Variants in CNTN1 observed in about 807,000 individuals in gnomAD.
CNTN1 encodes the protein contactin-1.
Under a neutral mutation model 126.4 loss-of-function variants are expected in CNTN1, and 38 were observed. That is an observed-to-expected ratio of 0.30 (90% CI 0.23 to 0.39). The LOEUF (loss-of-function observed/expected upper bound fraction) is 0.39, where lower values mean the gene tolerates loss of function less well. Among genes scored for constraint, CNTN1 ranks in the 10% least tolerant of loss-of-function variants. CNTN1 has a pLI of 1.00. For synonymous variants in CNTN1, 413 were observed against 422.6 expected, an observed-to-expected ratio of 0.98 and a Z score of 0.28; for missense variants, 1,009 against 1,248.4, an observed-to-expected ratio of 0.81 and a Z score of 2.89.
intron 17 of CNTN1, among the ~76,000 whole-genome samples, chr12:40,997,318 C>T (rs1206080290): frequency 6.6e-6 from 1 of 152,086 alleles, no homozygotes; most frequent in Non-Finnish European, 1.5e-5. Context: ...CTTTATTAGC[C>T]AGATCAAGCC....
intron 15 of CNTN1, among the ~76,000 whole-genome samples, chr12:40,961,885 T>C (rs1019669052): frequency 4.6e-5 from 7 of 152,024 alleles, no homozygotes; most frequent in African/African-American, 1.7e-4. Context: ...TACATGTTTG[T>C]AAAAAATATT....
At chr12:41,031,246 A>C (rs115947707) in intron 23 of CNTN1, among the ~76,000 whole-genome samples, 7 of 152,330 alleles carry the variant, frequency 4.6e-5, no homozygotes, top group Non-Finnish European at 2.9e-5. Context: ...AGCCCTGTTT[A>C]TAATGTTTGC....
intron 1 of CNTN1, among the ~76,000 whole-genome samples, chr12:40,767,673 G>A (rs1170036187): frequency 1.3e-5 from 2 of 151,022 alleles, no homozygotes; most frequent in Admixed American, 1.3e-4. Flanking sequence ...TTGCTCTGTC[G>A]CCCAGGCTGG....
intron 1 of CNTN1, among the ~76,000 whole-genome samples, chr12:40,831,259 T>C: frequency 6.6e-6 from 1 of 151,024 alleles, no homozygotes; most frequent in Non-Finnish European, 1.5e-5. Context: ...AGTTACAGAT[T>C]ACTTATGGAT....
At chr12:40,834,066 A>G (rs978215284) in intron 1 of CNTN1, among the ~76,000 whole-genome samples, 1 of 152,248 alleles carries the variant, frequency 6.6e-6, no homozygotes, top group African/African-American at 2.4e-5. Context: ...AGAGATTGTT[A>G]ATCAGTGAAT....
chr12:40,870,830 T>C (rs1367195017), intron 1 of CNTN1, among the ~76,000 whole-genome samples: 2 of 152,100 alleles, frequency 1.3e-5, no homozygotes, highest in Non-Finnish European at 2.9e-5. Flanking sequence ...GGCCAGTTCA[T>C]AAATGGTTGG....
intron 12 of CNTN1, among the ~76,000 whole-genome samples, chr12:40,940,536 A>G (rs1382479462): frequency 6.6e-6 from 1 of 152,196 alleles, no homozygotes; most frequent in Admixed American, 6.5e-5. Flanking sequence ...CATGGGAATT[A>G]TCATCCATAT....
intron 16 of CNTN1, among the ~76,000 whole-genome samples, chr12:40,988,120 C>T (rs908297831): frequency 6.6e-6 from 1 of 152,124 alleles, no homozygotes; most frequent in Admixed American, 6.6e-5. Flanking sequence ...TAACCTATGG[C>T]TCCTTCCAGA....
chr12:40,851,113 G>T (rs894758620), intron 1 of CNTN1, among the ~76,000 whole-genome samples: 1 of 152,158 alleles, frequency 6.6e-6, no homozygotes, highest in Admixed American at 6.5e-5. Context: ...ACAAATCAAG[G>T]ACTTTTCCAA....
At position 40,826,054 on chromosome 12, in the gene CNTN1, C is replaced by T. The variant is rs138150036; in HGVS notation, c.-76-82303C>T. 4.6e-3 allele frequency among the ~76,000 whole-genome samples: 700 copies of T among 152,200 alleles called. 5 individuals are homozygous for T. Among genetic ancestry groups the T allele is most frequent in the African/African-American group, 0.013 (523 of 41,522 alleles). ...AAGAGGGACTAAGCTAATGCTCTTC[C>T]CAGCCACCTGGTTATGCACTGTTGA... On this transcript the variant is annotated intron_variant, in intron 1 of 23. Transcript: ENST00000551295.
chr12:41,051,248 C>T lies in CNTN1; in HGVS notation c.2981-18711C>T, dbSNP rs559781491. On this transcript the variant is annotated intron_variant, in intron 23 of 23. Coordinates refer to ENST00000551295, the MANE Select transcript of CNTN1 (RefSeq NM_001843.4). ...CTGCAAGCTCTGCCTCCCAGGTTCACGCCATTCTCCTGCCTCAGCCTCCCA... is the reference window on the plus strand; with the variant it reads ...CTGCAAGCTCTGCCTCCCAGGTTCATGCCATTCTCCTGCCTCAGCCTCCCA... 4.1e-3 allele frequency among the ~76,000 whole-genome samples: 618 copies of T among 149,778 alleles called. 5 individuals carry two copies. The highest frequency in any genetic ancestry group is 0.014 in the African/African-American group (565 of 40,530).
chr12:40,922,969 T>TAAAAAAAAAA (rs35911311), intron 5 of CNTN1, among the ~76,000 whole-genome samples: 2 of 101,600 alleles, frequency 2.0e-5, no homozygotes, highest in Non-Finnish European at 3.7e-5. Context: ...GACTCTGCCT[T>TAAAAAAAAAA]AAAAAAAAAA....
At chr12:40,851,285 T>G (rs2136617087) in intron 1 of CNTN1, among the ~76,000 whole-genome samples, 1 of 152,310 alleles carries the variant, frequency 6.6e-6, no homozygotes, top group African/African-American at 2.4e-5. Context: ...CTTTTCACTT[T>G]TCTCTTTCCC....
chr12:40,798,189 G>A (rs573465592), intron 1 of CNTN1, among the ~76,000 whole-genome samples: 3 of 152,078 alleles, frequency 2.0e-5, no homozygotes, highest in South Asian at 4.1e-4. Flanking sequence ...TGGGAAAGGA[G>A]ACTGCAAATG....
chr12:40,905,557 A>G (rs1944777659), intron 1 of CNTN1, among the ~76,000 whole-genome samples: 2 of 152,144 alleles, frequency 1.3e-5, no homozygotes, highest in Admixed American at 1.3e-4. Context: ...ACAAATTAAG[A>G]TTTCACTCTG....
intron 23 of CNTN1, among the ~76,000 whole-genome samples, chr12:41,047,785 T>A (rs1242612114): frequency 1.3e-5 from 2 of 152,116 alleles, no homozygotes; most frequent in African/African-American, 4.8e-5. Flanking sequence ...CTCCATTTCT[T>A]TCTCTTATTG....
intron 5 of CNTN1, 39 bp from the exon 6 acceptor site, chr12:40,924,518 C>A: frequency 9.6e-7 from 1 of 1,043,516 alleles, no homozygotes; most frequent in South Asian, 1.3e-5. Flanking sequence ...TTCTATTGAC[C>A]AGAGAGTGAA....
At chr12:41,051,893 AACACACACACACACACACACACACAC>A (rs71078300) in intron 23 of CNTN1, among the ~76,000 whole-genome samples, 27 of 134,586 alleles carry the variant, frequency 2.0e-4, no homozygotes, top group Non-Finnish European at 3.7e-4. Context: ...ACCCCACACA[AACACACACACACACACACACACACAC>A]ACACACACAC....
At chr12:40,964,113 G>A (rs1446465824) in intron 15 of CNTN1, among the ~76,000 whole-genome samples, 1 of 152,070 alleles carries the variant, frequency 6.6e-6, no homozygotes, top group African/African-American at 2.4e-5. Context: ...TTCTGGCTAA[G>A]GAACACTTTC....
Sources: gnomAD v4.1 joint callset for allele counts (sites outside exome capture counted in the v4.1 genomes callset) on GRCh38, gnomAD v4.1.1 for gene constraint, MANE v1.5 for transcripts, NCBI Gene and HGNC (gene_info 2026-07-23, HGNC 2026-07-21) for gene names.